The following NBEA variants were observed in gnomAD, a reference collection of about 807,000 sequenced individuals.
NBEA encodes lysosomal-trafficking regulator 2.
In NBEA, 44 loss-of-function variants were observed where a neutral mutation model predicts 343.4. The ratio of observed to expected loss-of-function variants is 0.13; its 90% confidence interval spans 0.10 to 0.16. The LOEUF (loss-of-function observed/expected upper bound fraction) is 0.16. NBEA is among the 10% of genes least tolerant of loss of function. The probability of loss-of-function intolerance (pLI) is 1.00; values close to 1 mark genes in which losing one functional copy is unlikely to be tolerated. For synonymous variants in NBEA, 1,175 were observed against 1,238.7 expected, an observed-to-expected ratio of 0.95 and a Z score of 1.08; for missense variants, 2,555 against 3,631.3, an observed-to-expected ratio of 0.70 and a Z score of 7.62.
intron 34 of NBEA, among the ~76,000 whole-genome samples, chr13:35,283,428 C>T (rs2035191234): frequency 6.6e-6 from 1 of 152,112 alleles, no homozygotes; most frequent in African/African-American, 2.4e-5. Context: ...AAATTGATTT[C>T]AGTTCTTCCA....
intron 21 of NBEA, among the ~76,000 whole-genome samples, chr13:35,157,849 T>G (rs2069282551): frequency 6.6e-6 from 1 of 152,250 alleles, no homozygotes; most frequent in South Asian, 2.1e-4. Context: ...CATGAAGTGT[T>G]ATAGAAGAAG....
At chr13:35,472,996 G>A (rs1430879827) in intron 41 of NBEA, among the ~76,000 whole-genome samples, 3 of 152,158 alleles carry the variant, frequency 2.0e-5, no homozygotes, top group Admixed American at 1.3e-4. Context: ...CACCCATTTT[G>A]TCCATCTCCT....
chr13:34,986,586 T>C (rs2060556298), intron 1 of NBEA, among the ~76,000 whole-genome samples: 1 of 150,908 alleles, frequency 6.6e-6, no homozygotes, highest in Non-Finnish European at 1.5e-5. Context: ...GTTCTGGATA[T>C]CCTTGTTAAC....
chr13:35,329,994 A>G (rs531687458), intron 36 of NBEA, among the ~76,000 whole-genome samples: 5 of 152,056 alleles, frequency 3.3e-5, no homozygotes, highest in African/African-American at 1.2e-4. Context: ...TACTACCACA[A>G]AGAAGGTTCT....
intron 30 of NBEA, among the ~76,000 whole-genome samples, chr13:35,192,459 T>C (rs1014728786): frequency 6.6e-6 from 1 of 152,004 alleles, no homozygotes; most frequent in African/African-American, 2.4e-5. Context: ...ACAAAACATA[T>C]TTATTTGAAT....
intron 34 of NBEA, among the ~76,000 whole-genome samples, chr13:35,249,193 T>G (rs1268882684): frequency 6.8e-6 from 1 of 147,646 alleles, no homozygotes; most frequent in Non-Finnish European, 1.5e-5. Flanking sequence ...ATTGATGACA[T>G]TGGATTTGGA....
chr13:35,484,708 T>G (rs2076250017), intron 41 of NBEA, among the ~76,000 whole-genome samples: 1 of 152,162 alleles, frequency 6.6e-6, no homozygotes, highest in East Asian at 1.9e-4. Flanking sequence ...TGAGGCAGTT[T>G]CATTTCCCCT....
intron 49 of NBEA, among the ~76,000 whole-genome samples, chr13:35,631,677 A>G (rs2083463436): frequency 1.4e-5 from 2 of 147,332 alleles, no homozygotes; most frequent in African/African-American, 2.5e-5. Flanking sequence ...CTACTTGCCT[A>G]TAACTTTGAG....
At chr13:34,943,247 G>A in intron 1 of NBEA, 133 bp downstream of exon 1, 2 of 1,224,600 alleles carry the variant, frequency 1.6e-6, no homozygotes, top group Non-Finnish European at 2.3e-6. Context: ...CGTTCAGCCG[G>A]TATTGCCCAG....
chr13:35,338,955 T>C (rs1251213396), intron 36 of NBEA, among the ~76,000 whole-genome samples: 1 of 152,050 alleles, frequency 6.6e-6, no homozygotes, highest in Non-Finnish European at 1.5e-5. Context: ...TGTTTAATGA[T>C]AAAAATACTC....
At chr13:35,256,074 G>T (rs377469693) in intron 34 of NBEA, among the ~76,000 whole-genome samples, 11 of 152,236 alleles carry the variant, frequency 7.2e-5, no homozygotes, top group African/African-American at 2.6e-4. Context: ...GCCCTCAGCA[G>T]AGAGGAGACC....
intron 38 of NBEA, among the ~76,000 whole-genome samples, chr13:35,404,280 G>T (rs1594503811): frequency 6.6e-6 from 1 of 152,138 alleles, no homozygotes; most frequent in African/African-American, 2.4e-5. Context: ...TATAAATCAT[G>T]TTGCTATAAA....
chr13:35,643,821 A>G (rs144251627), intron 49 of NBEA, among the ~76,000 whole-genome samples: 85 of 152,276 alleles, frequency 5.6e-4, no homozygotes, highest in Non-Finnish European at 1.0e-3. Flanking sequence ...GTAACAATTC[A>G]TGGGTTGCAG....
At chr13:35,665,955 C>T (rs2153087399) in intron 56 of NBEA, among the ~76,000 whole-genome samples, 1 of 152,256 alleles carries the variant, frequency 6.6e-6, no homozygotes, top group South Asian at 2.1e-4. Flanking sequence ...GAAGATCTTT[C>T]ATTTCAGGAA....
intron 35 of NBEA, among the ~76,000 whole-genome samples, chr13:35,296,359 C>T (rs1160181300): frequency 5.5e-5 from 8 of 145,586 alleles, no homozygotes; most frequent in Non-Finnish European, 9.0e-5. Flanking sequence ...CCAGCCTAGG[C>T]GACAGAGCGA....
chr13:35,354,285 A>G (rs2040370318), intron 38 of NBEA, among the ~76,000 whole-genome samples: 1 of 152,188 alleles, frequency 6.6e-6, no homozygotes, highest in Non-Finnish European at 1.5e-5. Flanking sequence ...GGGTTTATCT[A>G]TTAATACTTA....
intron 1 of NBEA, among the ~76,000 whole-genome samples, chr13:34,954,734 A>G (rs2059441965): frequency 1.3e-5 from 2 of 152,324 alleles, no homozygotes; most frequent in Admixed American, 6.5e-5. Flanking sequence ...TATACTTCAA[A>G]TCATCTCCAG....
intron 41 of NBEA, among the ~76,000 whole-genome samples, chr13:35,479,926 A>G (rs1188669780): frequency 6.6e-6 from 1 of 152,088 alleles, no homozygotes; most frequent in East Asian, 1.9e-4. Flanking sequence ...AAAAAATCTC[A>G]AGAATCTCAT....
intron 38 of NBEA, among the ~76,000 whole-genome samples, chr13:35,386,872 G>A (rs922950070): frequency 9.9e-5 from 15 of 152,092 alleles, no homozygotes; most frequent in African/African-American, 3.6e-4. Flanking sequence ...ATTGATTAAT[G>A]TGGCTAAATC....
Sources: gnomAD v4.1 joint callset for allele counts (sites outside exome capture counted in the v4.1 genomes callset) on GRCh38, gnomAD v4.1.1 for gene constraint, MANE v1.5 for transcripts, NCBI Gene and HGNC (gene_info 2026-07-23, HGNC 2026-07-21) for gene names.